Variants in TRAK1 observed in about 807,000 individuals in gnomAD.
The protein encoded by TRAK1 is trafficking kinesin-binding protein 1.
A neutral mutation model predicts 92.1 loss-of-function variants in TRAK1; 33 were observed. The ratio of observed to expected loss-of-function variants is 0.36; its 90% confidence interval spans 0.27 to 0.48. The LOEUF is 0.48. Ranked by LOEUF, TRAK1 falls within the 20% of genes least tolerant of loss-of-function variation. The pLI is 0.99. For missense variants in TRAK1, 1,123 were observed against 1,257.9 expected (o/e 0.89, Z 1.62); for synonymous variants, 521 against 517.3 (o/e 1.01, Z -0.10).
intron 12 of TRAK1, among the ~76,000 whole-genome samples, chr3:42,201,353 A>C (rs1030155295): frequency 9.2e-5 from 14 of 152,030 alleles, no homozygotes; most frequent in African/African-American, 3.4e-4. Flanking sequence ...TCAGCTACTC[A>C]GGAGGCTGAG....
At chr3:42,078,307 A>G (rs1042783496) in intron 1 of TRAK1, among the ~76,000 whole-genome samples, 16 of 152,196 alleles carry the variant, frequency 1.1e-4, no homozygotes, top group African/African-American at 3.9e-4. Context: ...GCACGGATCT[A>G]GATACTTCTG....
intron 2 of TRAK1, among the ~76,000 whole-genome samples, chr3:42,170,679 T>C (rs1312030010): frequency 6.6e-6 from 1 of 152,062 alleles, no homozygotes; most frequent in Non-Finnish European, 1.5e-5. Context: ...GTGTAGAAGA[T>C]AGGAGGAAAA....
rs1710533550 is a variant in TRAK1, at chr3:42,223,265, T to C, written c.2390T>C (p.Phe797Ser). The C allele has an allele frequency of 6.2e-7, 1 of 1,614,152 alleles. No individual in the cohort carries two copies. The highest frequency in any genetic ancestry group is 8.5e-7 in the Non-Finnish European group (1 of 1,180,012). Residue 797 changes from phenylalanine (F) to serine (S), a missense_variant, in exon 16 of 16, where the codon TTT (phenylalanine) becomes TCT (serine). Phe to Ser is a radical substitution (Grantham distance 155, BLOSUM62 -2). This residue lies in a region of TRAK1 where 401 missense variants were observed against 438.9 expected (regional missense o/e 0.91). Coordinates refer to ENST00000327628, the MANE Select transcript of TRAK1 (RefSeq NM_001042646.3). This position sits in a 1 kb window ranked among gnomAD's most constrained non-coding sequence, Gnocchi z 6.1. The stretch of plus-strand genomic sequence containing the variant: ...ACACCCACATCCTCCCCACCCTCCT[T>C]TGAGTTCAAGTGCACGAGCCCTCCC... ...MQTPTSSPPS[F>S]EFKCTSPPYD...
At chr3:42,112,040 G>A (rs1708480016) in intron 1 of TRAK1, among the ~76,000 whole-genome samples, 2 of 149,472 alleles carry the variant, frequency 1.3e-5, no homozygotes, top group African/African-American at 4.9e-5. Flanking sequence ...TCAAAAAGTA[G>A]CCCCTACTCC....
chr3:42,203,494 C>CTTT (rs34602604), intron 13 of TRAK1: 2 of 946,766 alleles, frequency 2.1e-6, no homozygotes, highest in East Asian at 1.2e-4. Flanking sequence ...CCTCCTGCCT[C>CTTT]TTTTTTTTTT....
intron 1 of TRAK1, among the ~76,000 whole-genome samples, chr3:42,120,118 T>TG (rs1297987197): frequency 1.3e-5 from 2 of 152,160 alleles, no homozygotes; most frequent in Non-Finnish European, 2.9e-5. Context: ...CCGGCCACCA[T>TG]GGGGCATTAC....
At position 42,216,727 on chromosome 3, in the gene TRAK1, G is replaced by C. The variant is rs928556776; in HGVS notation, c.1964-2767G>C. On this transcript the variant is annotated intron_variant, in intron 14 of 15. Coordinates refer to ENST00000327628, the MANE Select transcript of TRAK1 (RefSeq NM_001042646.3). ...GGAAGAACAATTAAAAAAGAATTAG[G>C]GGTTTTTATTGGTAAATCCAAATTC... Among the ~76,000 whole-genome samples, 25 of 152,064 alleles carry C rather than the reference G, an allele frequency of 1.6e-4. 1 individual carries two copies. Among genetic ancestry groups the C allele is most frequent in the Admixed American group, 5.2e-4 (8 of 15,264 alleles).
At chr3:42,153,865 A>G (rs1200209178) in intron 2 of TRAK1, among the ~76,000 whole-genome samples, 13 of 152,006 alleles carry the variant, frequency 8.6e-5, no homozygotes, top group Non-Finnish European at 1.8e-4. Flanking sequence ...ACAGATCCCC[A>G]TTTCTTTGTC....
intron 2 of TRAK1, chr3:42,145,584 T>C (rs1470189387): frequency 6.6e-6 from 1 of 152,668 alleles, no homozygotes; most frequent in African/African-American, 2.4e-5. Context: ...TGCCTTAGCA[T>C]AATTTTCAAT....
rs866786317 is a variant in TRAK1 at position 42,219,794 on chromosome 3, T to G, written c.2066+198T>G. ...TTTTGTTGTTGTTATGTGTTTTTTT[T>G]TTTTTTTTTTTTTTTTTTTGAGGCA... On this transcript the variant is annotated intron_variant, in intron 15 of 15. Coordinates refer to ENST00000327628, the MANE Select transcript of TRAK1 (RefSeq NM_001042646.3). Among the ~76,000 whole-genome samples, 99 of 135,898 alleles carry G rather than the reference T, an allele frequency of 7.3e-4. 1 individual carries two copies. Among genetic ancestry groups the G allele is most frequent in the African/African-American group, 2.8e-3 (94 of 33,898 alleles). 89.2% of individuals were successfully genotyped at this position (135,898 alleles called of 152,430 possible). A position where few individuals can be genotyped will look rare whatever the true frequency, so the allele number is the denominator to read the frequency against.
intron 2 of TRAK1, among the ~76,000 whole-genome samples, chr3:42,138,039 T>A (rs751603608): frequency 6.6e-5 from 10 of 152,200 alleles, no homozygotes; most frequent in Non-Finnish European, 1.2e-4. Context: ...AGTTTCTCTG[T>A]ATTGCAAAAT....
intron 1 of TRAK1, among the ~76,000 whole-genome samples, chr3:42,069,723 G>C (rs1703835773): frequency 6.6e-6 from 1 of 152,106 alleles, no homozygotes; most frequent in African/African-American, 2.4e-5. Flanking sequence ...GGAGGACCAT[G>C]CCTTATTTAA....
At position 42,130,014 on chromosome 3, in the gene TRAK1, AT is replaced by A. The variant is rs986953784; in HGVS notation, c.286+4408del. ...TATATGTCTAACATATTCAAAATTC[AT>A]TTTTTTTCATGGCTCAGGGCATTGT... On this transcript the variant is annotated intron_variant, in intron 2 of 15. Coordinates refer to ENST00000327628, the MANE Select transcript of TRAK1 (RefSeq NM_001042646.3). Among the ~76,000 whole-genome samples the A allele has an allele frequency of 9.9e-5, 15 of 151,928 alleles. No homozygotes were observed. The East Asian group carries it at 2.7e-3, about 27-fold the overall frequency.
chr3:42,220,211 A>C (rs1220662142), intron 15 of TRAK1, among the ~76,000 whole-genome samples: 1 of 152,104 alleles, frequency 6.6e-6, no homozygotes, highest in Non-Finnish European at 1.5e-5. Flanking sequence ...AACGGTAATG[A>C]CCAAAATGAG....
intron 1 of TRAK1, among the ~76,000 whole-genome samples, chr3:42,109,285 A>G (rs990205832): frequency 2.0e-5 from 3 of 152,304 alleles, no homozygotes; most frequent in South Asian, 2.1e-4. Flanking sequence ...AGAAAGTGCA[A>G]CTGGATCCCT....
At chr3:42,132,664 A>G (rs1466750450) in intron 2 of TRAK1, among the ~76,000 whole-genome samples, 1 of 152,036 alleles carries the variant, frequency 6.6e-6, no homozygotes, top group Non-Finnish European at 1.5e-5. Context: ...CCCAGGCCCC[A>G]CCGTCAGGCA....
chr3:42,119,326 C>T (rs561651839), intron 1 of TRAK1, among the ~76,000 whole-genome samples: 151 of 152,136 alleles, frequency 9.9e-4, no homozygotes, highest in Admixed American at 1.9e-3. Context: ...GAAGGGCATT[C>T]TAGGGAGCTA....
intron 1 of TRAK1, among the ~76,000 whole-genome samples, chr3:42,045,168 T>A (rs1559719417): frequency 6.6e-6 from 1 of 152,210 alleles, no homozygotes; most frequent in African/African-American, 2.4e-5. Context: ...ATGCTTCTGT[T>A]AAAGGAAACC....
chr3:42,162,501 A>G (rs9758090), intron 2 of TRAK1, among the ~76,000 whole-genome samples: 123,776 of 151,974 alleles, frequency 0.81, 50,609 homozygotes, highest in East Asian at 0.99. Flanking sequence ...TTGAGACACC[A>G]TAGATAATGC....
Sources: allele counts gnomAD v4.1 joint callset (sites outside exome capture counted in the v4.1 genomes callset), GRCh38; gene constraint gnomAD v4.1.1; regional missense constraint gnomAD v4.1.1; non-coding constraint Gnocchi (gnomAD v3.1); transcripts MANE v1.5; gene names NCBI Gene and HGNC (gene_info 2026-07-23, HGNC 2026-07-21).